Variants in ARHGEF16 observed in about 807,000 individuals in gnomAD.
The protein encoded by ARHGEF16 is Rho guanine nucleotide exchange factor 16.
In ARHGEF16, 59 loss-of-function variants were observed where a neutral mutation model predicts 74.1. The ratio of observed to expected loss-of-function variants is 0.80; its 90% CI spans 0.65 to 0.99. The LOEUF (loss-of-function observed/expected upper bound fraction) is 0.99. Among genes scored for constraint, ARHGEF16 ranks in the 50% least tolerant of loss-of-function variants. ARHGEF16 has a pLI of 0.00. For synonymous variants in ARHGEF16, 415 were observed against 412.6 expected, an observed-to-expected ratio of 1.01 and a Z score of -0.07; for missense variants, 948 against 986.6, an observed-to-expected ratio of 0.96 and a Z score of 0.52.
intron 1 of ARHGEF16, among the ~76,000 whole-genome samples, chr1:3,457,121 C>A (rs928233610): frequency 6.6e-6 from 1 of 152,248 alleles, no homozygotes; most frequent in African/African-American, 2.4e-5. Context: ...AGAGCCAAAT[C>A]CCTGGCCACC....
chr1:3,457,125 G>A (rs1397683896), intron 1 of ARHGEF16, among the ~76,000 whole-genome samples: 2 of 152,360 alleles, frequency 1.3e-5, no homozygotes. Context: ...CCAAATCCCT[G>A]GCCACCTTGC....
At position 3,473,106 on chromosome 1, in the gene ARHGEF16, A is replaced by T; in HGVS notation, c.1051A>T (p.Lys351Ter). The T allele has an allele frequency of 6.2e-7, 1 of 1,613,260 alleles. No homozygotes were observed. The highest frequency in any genetic ancestry group is 8.5e-7 in the Non-Finnish European group (1 of 1,179,922). Residue 351 changes from lysine (K) to a stop codon, truncating the protein, a stop_gained, in exon 7 of 15, where the codon AAG becomes TAG. Coordinates refer to ENST00000378378, the MANE Select transcript of ARHGEF16 (RefSeq NM_014448.4). LOFTEE classifies it high-confidence loss of function. The part of the protein sequence containing the change: ...RFFEDLEQRH[K>*]AQVLVEDISD... ...CTTCGAGGACCTGGAGCAGCGGCAC[A>T]AGGCCCAGGTGCTGGTCGAGGACAT...
chr1:3,468,838 T>G (rs1639622123), intron 4 of ARHGEF16, 42 bp from the exon 5 acceptor site: 1 of 1,548,876 alleles, frequency 6.5e-7, no homozygotes, highest in East Asian at 2.4e-5. Flanking sequence ...CCCAGGCTTC[T>G]AGGACGTGTG....
Position 3,478,576 on chromosome 1 carries a change from G to T in ARHGEF16, c.1778G>T (p.Gly593Val), listed in dbSNP as rs748105379. The change falls in exon 12 of 15, where the codon GGC becomes GTC. Residue 593 changes from glycine to valine, a missense_variant. Transcript: ENST00000378378. ...GTGACCCTGCTTCGCAACAGCGAGGGCCGCCAGGAGCAGCTCCTGCTCTCC... is the reference window on the plus strand; with the variant it reads ...GTGACCCTGCTTCGCAACAGCGAGGTCCGCCAGGAGCAGCTCCTGCTCTCC... Reference protein sequence around the residue: ...FQVTLLRNSEGRQEQLLLSSD... With the variant: ...FQVTLLRNSEVRQEQLLLSSD... 1 of 1,612,270 alleles carries T rather than the reference G, an allele frequency of 6.2e-7. No homozygotes were observed. Among genetic ancestry groups the T allele is most frequent in the Non-Finnish European group, 8.5e-7 (1 of 1,179,686 alleles).
rs1336375333 is a variant in ARHGEF16 at position 3,466,141 on chromosome 1, T to C, written c.589-7T>C. Reference sequence around the variant, plus strand: ...AGCTGCGGTTTCTGTGTCTCTCTTTTGTGCAGAAGACGCTGGGGAGGAAAC... The same window carrying C: ...AGCTGCGGTTTCTGTGTCTCTCTTTCGTGCAGAAGACGCTGGGGAGGAAAC... On this transcript the variant is annotated splice_region_variant and splice_polypyrimidine_tract_variant and intron_variant, in intron 2 of 14. Coordinates refer to ENST00000378378, the MANE Select transcript of ARHGEF16 (RefSeq NM_014448.4). The C allele has an allele frequency of 1.3e-6, 2 of 1,548,384 alleles. No individual in the cohort carries two copies. The highest frequency in any genetic ancestry group is 1.7e-6 in the Non-Finnish European group (2 of 1,145,994).
At chr1:3,464,410 G>A (rs1345140016) in intron 2 of ARHGEF16, among the ~76,000 whole-genome samples, 1 of 152,174 alleles carries the variant, frequency 6.6e-6, no homozygotes, top group Non-Finnish European at 1.5e-5. Context: ...CGTGGTACCT[G>A]GACACCCACC....
In ARHGEF16 at chr1:3,466,212, G is replaced by A; in HGVS notation, c.634+19G>A. 6.5e-7 allele frequency: 1 copy of A among 1,534,262 alleles called. No individual in the cohort carries two copies. Among genetic ancestry groups the A allele is most frequent in the Non-Finnish European group, 8.8e-7 (1 of 1,139,674 alleles). Reference sequence around the variant, plus strand: ...AAGGACGGTGAGTGTGGCTTCGGGAGGCACCGCGGGCTGGGCTCCAGTTGA... The same window carrying A: ...AAGGACGGTGAGTGTGGCTTCGGGAAGCACCGCGGGCTGGGCTCCAGTTGA... On this transcript the variant is annotated intron_variant, in intron 3 of 14. Transcript: ENST00000378378.
At chr1:3,468,686 C>A (rs1417897) in intron 4 of ARHGEF16, 194 bp from the exon 5 acceptor site, 301,158 of 629,006 alleles carry the variant, frequency 0.48, 74,928 homozygotes, top group East Asian at 0.74. Context: ...TGACCCAAGG[C>A]GGGTTACACA....
Position 3,479,717 on chromosome 1 carries a change from C to T in ARHGEF16, c.1889-95C>T, listed in dbSNP as rs1238072157. ...GCCTGGCAGTCGGGGGATGGGGTGC[C>T]CCGGCCCCGGGGGATGTGTCTGCTG... is the stretch of plus-strand genomic sequence containing the variant. On this transcript the variant is annotated intron_variant, in intron 13 of 14. Transcript: ENST00000378378. 4 of 1,559,228 alleles carry T rather than the reference C, an allele frequency of 2.6e-6. No individual in the cohort carries two copies. In the East Asian group the frequency reaches 9.1e-5, roughly 35 times the overall value.
rs1411846770 is a variant in ARHGEF16, at chr1:3,473,384, C to G, written c.1176-9C>G. 1.2e-6 allele frequency: 2 copies of G among 1,600,992 alleles called. No homozygotes were observed. The highest frequency in any genetic ancestry group is 1.7e-6 in the Non-Finnish European group (2 of 1,173,066). ...CAGAGCCTGGAAGGACAGCCTTGTC[C>G]TCTTGCAGAAGCAGCAACGCCGCCT... On this transcript the variant is annotated splice_polypyrimidine_tract_variant and intron_variant, in intron 7 of 14. Transcript: ENST00000378378.
At chr1:3,461,843 A>G (rs1639404186) in intron 1 of ARHGEF16, among the ~76,000 whole-genome samples, 1 of 152,194 alleles carries the variant, frequency 6.6e-6, no homozygotes, top group Non-Finnish European at 1.5e-5. Context: ...CAGCCAGGGA[A>G]GACGCAGAGG....
At chr1:3,467,420 G>A (rs778304605) in intron 4 of ARHGEF16, 83 bp downstream of exon 4, 47 of 1,435,456 alleles carry the variant, frequency 3.3e-5, no homozygotes, top group South Asian at 4.2e-5. Flanking sequence ...CCAAGCCCAG[G>A]CGGCTGGTCC....
At chr1:3,476,104 A>T (rs1639864997) in intron 10 of ARHGEF16, 42 bp downstream of exon 10, 1 of 1,536,508 alleles carries the variant, frequency 6.5e-7, no homozygotes, top group Admixed American at 2.0e-5. Context: ...ACCACTTCCC[A>T]CTCAGCCCTC....
chr1:3,479,713 G>A, intron 13 of ARHGEF16, 99 bp from the exon 14 acceptor site: 1 of 1,485,884 alleles, frequency 6.7e-7, no homozygotes, highest in African/African-American at 1.4e-5. Context: ...GGGGGATGGG[G>A]TGCCCCGGCC....
In ARHGEF16 at chr1:3,473,224, A is replaced by G; in HGVS notation, c.1169A>G (p.Lys390Arg). The change falls in exon 7 of 15, where the codon AAG becomes AGG. Residue 390 changes from lysine (K) to arginine (R), a missense_variant. Coordinates refer to ENST00000378378, the MANE Select transcript of ARHGEF16 (RefSeq NM_014448.4). The stretch of plus-strand genomic sequence containing the variant: ...GTCTACCAACAGCGCACGCTGCAGA[A>G]GCTGATGTGAGTGGGCGGCCCCGAG... ...NEVYQQRTLQKLISSNAAFRE... is the reference protein window; with the variant it reads ...NEVYQQRTLQRLISSNAAFRE... 1 of 1,612,978 alleles carries G rather than the reference A, an allele frequency of 6.2e-7. No individual in the cohort carries two copies. The highest frequency in any genetic ancestry group is 8.5e-7 in the Non-Finnish European group (1 of 1,179,850).
intron 1 of ARHGEF16, among the ~76,000 whole-genome samples, chr1:3,456,620 TC>T (rs967273006): frequency 4.6e-5 from 7 of 152,164 alleles, no homozygotes; most frequent in African/African-American, 1.7e-4. Context: ...ATACCCACCT[TC>T]CAGAAGTTTG....
rs553627615 is a variant in ARHGEF16, at chr1:3,469,503, T to C, written c.932T>C (p.Leu311Pro). ...CTGAGCATCCTGGTGGAGGAGTTCC[T>C]GCAGTCCAAGGAGCTGCGGGCGACC... ...HSLSILVEEFLQSKELRATVT... is the reference protein window; with the variant it reads ...HSLSILVEEFPQSKELRATVT... Residue 311 changes from leucine (L) to proline (P), a missense_variant, in exon 6 of 15, where the codon CTG becomes CCG. Coordinates refer to ENST00000378378, the MANE Select transcript of ARHGEF16 (RefSeq NM_014448.4). 1 of 1,613,108 alleles carries C rather than the reference T, an allele frequency of 6.2e-7. No individual in the cohort carries two copies. Among genetic ancestry groups the C allele is most frequent in the Non-Finnish European group, 8.5e-7 (1 of 1,179,992 alleles).
At chr1:3,458,126 G>A (rs997994330) in intron 1 of ARHGEF16, among the ~76,000 whole-genome samples, 4 of 152,330 alleles carry the variant, frequency 2.6e-5, no homozygotes, top group East Asian at 3.9e-4. Flanking sequence ...AGCACGTGCC[G>A]AGGCAGGCAT....
intron 3 of ARHGEF16, 86 bp downstream of exon 3, chr1:3,466,279 A>G: frequency 7.1e-7 from 1 of 1,408,352 alleles, no homozygotes; most frequent in Admixed American, 2.7e-5. Flanking sequence ...GGTGGGCCTC[A>G]GTTTGGTGTC....
Sources: allele counts gnomAD v4.1 joint callset (sites outside exome capture counted in the v4.1 genomes callset), GRCh38; gene constraint gnomAD v4.1.1; transcripts MANE v1.5; gene names NCBI Gene and HGNC (gene_info 2026-07-23, HGNC 2026-07-21).